Variants in PARD3 observed in about 807,000 individuals in gnomAD.
The protein encoded by PARD3 is par-3 family cell polarity regulator, also known as partitioning defective 3 homolog.
A neutral mutation model predicts 155.4 loss-of-function variants in PARD3; 75 were observed. That is an observed-to-expected ratio of 0.48 (90% confidence interval 0.40 to 0.58). PARD3 has a LOEUF of 0.58. Ranked by LOEUF, PARD3 falls within the 20% of genes least tolerant of loss-of-function variation. PARD3 has a pLI of 0.00. For synonymous variants in PARD3, 576 were observed against 610.5 expected (o/e 0.94, Z 0.83); for missense variants, 1,642 against 1,721.7 (o/e 0.95, Z 0.82).
intron 6 of PARD3, 21 bp downstream of exon 6, chr10:34,401,805 T>C: frequency 6.6e-7 from 1 of 1,513,236 alleles, no homozygotes; most frequent in Non-Finnish European, 9.2e-7. Flanking sequence ...GCAAACTTAG[T>C]TGAAACCATC....
chr10:34,521,449 G>C (rs957646288), intron 2 of PARD3, among the ~76,000 whole-genome samples: 1 of 150,640 alleles, frequency 6.6e-6, no homozygotes, highest in Non-Finnish European at 1.5e-5. Flanking sequence ...AAAAAGTAAA[G>C]GAAAAGTCTT....
intron 15 of PARD3, among the ~76,000 whole-genome samples, chr10:34,342,940 C>T (rs373742268): frequency 5.3e-5 from 8 of 152,210 alleles, no homozygotes; most frequent in African/African-American, 1.9e-4. Flanking sequence ...TGAAAATTAA[C>T]AGCTTATATA....
At chr10:34,544,733 A>G (rs1449195312) in intron 2 of PARD3, among the ~76,000 whole-genome samples, 1 of 152,240 alleles carries the variant, frequency 6.6e-6, no homozygotes, top group Non-Finnish European at 1.5e-5. Flanking sequence ...AATAAAGGAC[A>G]AGAACAAAGA....
chr10:34,728,693 A>C (rs1366656833), intron 1 of PARD3, among the ~76,000 whole-genome samples: 1 of 152,212 alleles, frequency 6.6e-6, no homozygotes, highest in African/African-American at 2.4e-5. Flanking sequence ...CCAGCAGAAT[A>C]CAACCATTTC....
At chr10:34,162,654 C>T (rs1044750431) in intron 22 of PARD3, among the ~76,000 whole-genome samples, 1 of 152,118 alleles carries the variant, frequency 6.6e-6, no homozygotes, top group Non-Finnish European at 1.5e-5. Context: ...GTGTTATGTG[C>T]TGGGAAAGAG....
Position 34,526,006 on chromosome 10 carries a change from T to C in PARD3, c.223-8847A>G, listed in dbSNP as rs552682322. On this transcript the variant is annotated intron_variant, in intron 2 of 24. Transcript: ENST00000374788. ...TGAGGCAAGGGGAATCGCTTGAACGTGGGAGATGGAGGTTGCGGTGAGCCA... is the reference window on the plus strand; with the variant it reads ...TGAGGCAAGGGGAATCGCTTGAACGCGGGAGATGGAGGTTGCGGTGAGCCA... Among the ~76,000 whole-genome samples, 7 of 135,330 alleles carry C rather than the reference T, an allele frequency of 5.2e-5. No homozygotes were observed. In the South Asian group the frequency reaches 1.6e-3, roughly 31 times the overall value. 88.8% of individuals were successfully genotyped at this position (135,330 alleles called of 152,430 possible). A position where few individuals can be genotyped will look rare whatever the true frequency, so the allele number is the denominator to read the frequency against.
intron 22 of PARD3, among the ~76,000 whole-genome samples, chr10:34,192,050 A>G (rs1950734948): frequency 6.6e-6 from 1 of 152,062 alleles, no homozygotes. Context: ...AGGCATTCTG[A>G]AAACTAGCAA....
At chr10:34,809,806 G>A (rs2060773906) in intron 1 of PARD3, among the ~76,000 whole-genome samples, 1 of 152,094 alleles carries the variant, frequency 6.6e-6, no homozygotes, top group Non-Finnish European at 1.5e-5. Context: ...TAGAGGGAAG[G>A]CAGAAAATGT....
chr10:34,779,517 A>G (rs1446176544), intron 1 of PARD3, among the ~76,000 whole-genome samples: 1 of 151,856 alleles, frequency 6.6e-6, no homozygotes, highest in African/African-American at 2.4e-5. Context: ...ACTACTCGGG[A>G]GGCTGAGGCA....
chr10:34,465,141 G>C (rs558191542), intron 4 of PARD3, among the ~76,000 whole-genome samples: 1 of 152,126 alleles, frequency 6.6e-6, no homozygotes, highest in East Asian at 1.9e-4. Context: ...AAGTTTCTAC[G>C]TGTTCAGTAC....
intron 1 of PARD3, among the ~76,000 whole-genome samples, chr10:34,804,732 T>C (rs971964275): frequency 2.0e-5 from 3 of 152,222 alleles, no homozygotes; most frequent in African/African-American, 7.2e-5. Context: ...GGACTTAACA[T>C]TGGACTTAGA....
intron 22 of PARD3, among the ~76,000 whole-genome samples, chr10:34,199,502 G>A (rs1951108098): frequency 6.6e-6 from 1 of 152,084 alleles, no homozygotes; most frequent in Admixed American, 6.6e-5. Context: ...GAGTTAACGA[G>A]GTCATGGCCA....
At chr10:34,805,566 T>TATATAC (rs1491558472) in intron 1 of PARD3, among the ~76,000 whole-genome samples, 23 of 139,984 alleles carry the variant, frequency 1.6e-4, no homozygotes, top group African/African-American at 2.4e-4. Flanking sequence ...TATATATATA[T>TATATAC]ACACCGTACA....
At chr10:34,266,229 TA>T (rs3039306) in intron 22 of PARD3, among the ~76,000 whole-genome samples, 54 of 149,048 alleles carry the variant, frequency 3.6e-4, no homozygotes, top group Middle Eastern at 3.4e-3. Flanking sequence ...TGTCTTTCTA[TA>T]AAAAAAAAAA....
At chr10:34,794,139 A>G (rs966924067) in intron 1 of PARD3, among the ~76,000 whole-genome samples, 18 of 152,228 alleles carry the variant, frequency 1.2e-4, no homozygotes, top group Non-Finnish European at 2.6e-4. Context: ...TCATGAACAG[A>G]TATCACAAGG....
At chr10:34,192,711 T>C (rs1442728182) in intron 22 of PARD3, among the ~76,000 whole-genome samples, 7 of 152,176 alleles carry the variant, frequency 4.6e-5, no homozygotes, top group African/African-American at 1.7e-4. Flanking sequence ...GCCGGCATCC[T>C]TCCTGTCTTG....
chr10:34,650,872 A>AT lies in PARD3; in HGVS notation c.222+45445dup, dbSNP rs577559400. 3.0e-4 allele frequency among the ~76,000 whole-genome samples: 45 copies of AT among 152,088 alleles called. No individual in the cohort carries two copies. The South Asian group carries it at 4.6e-3, about 15-fold the overall frequency. Reference sequence around the variant, plus strand: ...ACTAAAAATACAAAATTAGCCTGGCATGGTGGCATATGCCTGTAATCCCAG... The same window carrying AT: ...ACTAAAAATACAAAATTAGCCTGGCATTGGTGGCATATGCCTGTAATCCCAG... On this transcript the variant is annotated intron_variant, in intron 2 of 24. Coordinates refer to ENST00000374788, the MANE Select transcript of PARD3 (RefSeq NM_001184785.2).
intron 1 of PARD3, among the ~76,000 whole-genome samples, chr10:34,697,035 AACACAC>A (rs538032384): frequency 1.9e-3 from 263 of 136,920 alleles, no homozygotes; most frequent in African/African-American, 7.3e-3. Context: ...AAAATGCGTA[AACACAC>A]ACACACACAC....
At chr10:34,410,721 T>C (rs1564681975) in intron 5 of PARD3, among the ~76,000 whole-genome samples, 1 of 152,250 alleles carries the variant, frequency 6.6e-6, no homozygotes, top group Non-Finnish European at 1.5e-5. Flanking sequence ...GCATGTCTTA[T>C]AAACAGAGGC....
Sources: gnomAD v4.1 joint callset for allele counts (sites outside exome capture counted in the v4.1 genomes callset) on GRCh38, gnomAD v4.1.1 for gene constraint, MANE v1.5 for transcripts, NCBI Gene and HGNC (gene_info 2026-07-23, HGNC 2026-07-21) for gene names.